Variants in PTPRO observed in about 807,000 individuals in gnomAD.
PTPRO encodes protein tyrosine phosphatase receptor type O.
PTPRO carries 62 observed loss-of-function variants against 145.2 expected under a neutral mutation model. That is an observed-to-expected ratio of 0.43 (90% CI 0.35 to 0.53). The LOEUF (loss-of-function observed/expected upper bound fraction) is 0.53, where lower values mean the gene tolerates loss of function less well. Ranked by LOEUF, PTPRO falls within the 20% of genes least tolerant of loss-of-function variation. PTPRO has a pLI of 0.01. For missense variants in PTPRO, 1,345 were observed against 1,482.7 expected (o/e 0.91, Z 1.53); for synonymous variants, 565 against 514.7 (o/e 1.10, Z -1.32).
chr12:15,354,626 T>C (rs1316885109), intron 1 of PTPRO, among the ~76,000 whole-genome samples: 1 of 152,214 alleles, frequency 6.6e-6, no homozygotes, highest in Non-Finnish European at 1.5e-5. Flanking sequence ...ATTTGACTGC[T>C]TGTTTTTCTT....
At chr12:15,570,583 G>A (rs1417783736) in intron 19 of PTPRO, among the ~76,000 whole-genome samples, 2 of 152,090 alleles carry the variant, frequency 1.3e-5, no homozygotes, top group African/African-American at 4.8e-5. Flanking sequence ...CTTATCCATT[G>A]TATCCAGGTG....
At chr12:15,587,115 A>C in intron 24 of PTPRO, 64 bp downstream of exon 24, 6 of 1,558,232 alleles carry the variant, frequency 3.9e-6, no homozygotes, top group Non-Finnish European at 5.3e-6. Flanking sequence ...GGAACAGCTC[A>C]CCATTCCATA....
chr12:15,473,976 C>T (rs1941599477), intron 1 of PTPRO, among the ~76,000 whole-genome samples: 1 of 152,036 alleles, frequency 6.6e-6, no homozygotes, highest in African/African-American at 2.4e-5. Context: ...TGGACTTCCC[C>T]TAGTTCTCAC....
intron 25 of PTPRO, among the ~76,000 whole-genome samples, chr12:15,589,872 T>G (rs898513141): frequency 1.3e-5 from 2 of 152,218 alleles, no homozygotes; most frequent in African/African-American, 4.8e-5. Flanking sequence ...TCAGAGTCAA[T>G]TGCAGATAAC....
chr12:15,404,219 TTGGTTGTTTGGTACATAAAATAAA>T (rs1296166767), intron 1 of PTPRO, among the ~76,000 whole-genome samples: 2 of 150,530 alleles, frequency 1.3e-5, no homozygotes, highest in African/African-American at 4.9e-5. Flanking sequence ...AAAAGAGTGT[TTGGTTGTTTGGTACATAAAATAAA>T]TAGTATTTGA....
chr12:15,488,342 A>G (rs1177703570), intron 2 of PTPRO, among the ~76,000 whole-genome samples: 1 of 152,286 alleles, frequency 6.6e-6, no homozygotes, highest in Admixed American at 6.5e-5. Context: ...TAGTGCACAA[A>G]TATTTCTGTG....
chr12:15,546,865 C>T (rs915904801), intron 13 of PTPRO, among the ~76,000 whole-genome samples, 157 bp downstream of exon 13: 1 of 152,170 alleles, frequency 6.6e-6, no homozygotes, highest in African/African-American at 2.4e-5. Context: ...CAGGCTTAGA[C>T]CAAGCCCAAA....
chr12:15,516,107 C>T (rs1942577889), intron 8 of PTPRO, among the ~76,000 whole-genome samples: 1 of 150,078 alleles, frequency 6.7e-6, no homozygotes, highest in East Asian at 2.0e-4. Flanking sequence ...TCTCCTGCCT[C>T]AGCCTCCTGA....
chr12:15,481,788 A>C (rs1302914563), intron 1 of PTPRO, among the ~76,000 whole-genome samples: 2 of 152,238 alleles, frequency 1.3e-5, no homozygotes, highest in African/African-American at 4.8e-5. Context: ...ATAAAATAAC[A>C]AGAAAAAGTC....
chr12:15,398,480 C>G (rs1939403664), intron 1 of PTPRO, among the ~76,000 whole-genome samples: 2 of 148,504 alleles, frequency 1.3e-5, no homozygotes, highest in African/African-American at 4.9e-5. Flanking sequence ...TATACTTTTT[C>G]CAAAAAAAAA....
At chr12:15,523,947 C>T (rs890420834) in intron 10 of PTPRO, among the ~76,000 whole-genome samples, 2 of 151,826 alleles carry the variant, frequency 1.3e-5, no homozygotes, top group Non-Finnish European at 2.9e-5. Context: ...ACAGGGTGTG[C>T]CACCATGCCC....
At chr12:15,457,282 C>T (rs1941201882) in intron 1 of PTPRO, among the ~76,000 whole-genome samples, 1 of 152,240 alleles carries the variant, frequency 6.6e-6, no homozygotes, top group African/African-American at 2.4e-5. Context: ...CCCCAGCTCA[C>T]AGACAGCCTA....
chr12:15,516,838 AT>A lies in PTPRO; in HGVS notation c.1664del (p.Leu555Ter). On this transcript the variant is annotated frameshift_variant, in exon 9 of 27. Transcript: ENST00000281171. LOFTEE classifies it high-confidence loss of function. Reference protein sequence around the residue: ...TAVVLSWTRPYLGVFRKYVVE... With the variant: ...TAVVLSWTRPXLGVFRKYVVE... ...GTGGTTCTGAGCTGGACCAGACCTT[AT>A]TTAGGCGTGTTCAGAAAATACGTGG... The A allele has an allele frequency of 6.2e-7, 1 of 1,612,248 alleles. No individual in the cohort carries two copies. Among genetic ancestry groups the A allele is most frequent in the Non-Finnish European group, 8.5e-7 (1 of 1,178,300 alleles).
chr12:15,454,688 A>G (rs1298302232), intron 1 of PTPRO, among the ~76,000 whole-genome samples: 2 of 152,138 alleles, frequency 1.3e-5, no homozygotes, highest in East Asian at 3.9e-4. Context: ...TCTCCTATAC[A>G]TTCTTCTAGG....
chr12:15,466,165 A>G (rs1468291574), intron 1 of PTPRO, among the ~76,000 whole-genome samples: 1 of 152,194 alleles, frequency 6.6e-6, no homozygotes. Flanking sequence ...ATTACTCTAC[A>G]TAATCCTGTT....
In PTPRO at chr12:15,526,145, A is replaced by T; in HGVS notation, c.2047A>T (p.Thr683Ser). The change falls in exon 12 of 27, where the codon ACA becomes TCA. Residue 683 changes from threonine (T) to serine (S), a missense_variant. Physicochemically the swap from Thr to Ser is moderately conservative, Grantham distance 58 (BLOSUM62 1). Transcript: ENST00000281171. ...EGKKKIKKSV[T>S]RNVMTAILSL... Reference sequence around the variant, plus strand: ...CTTGATTTTGATGATCTTGCAGGTAACACGCAATGTCATGACTGCAATTCT... The same window carrying T: ...CTTGATTTTGATGATCTTGCAGGTATCACGCAATGTCATGACTGCAATTCT... 6.2e-7 allele frequency: 1 copy of T among 1,614,022 alleles called. No individual in the cohort carries two copies. The highest frequency in any genetic ancestry group is 8.5e-7 in the Non-Finnish European group (1 of 1,179,914).
At chr12:15,515,250 T>G (rs1942552188) in intron 7 of PTPRO, among the ~76,000 whole-genome samples, 1 of 152,168 alleles carries the variant, frequency 6.6e-6, no homozygotes, top group Non-Finnish European at 1.5e-5. Context: ...TAGTTATAAT[T>G]GACACTGATG....
intron 1 of PTPRO, among the ~76,000 whole-genome samples, chr12:15,453,824 T>C (rs1941107637): frequency 6.6e-6 from 1 of 152,208 alleles, no homozygotes; most frequent in Non-Finnish European, 1.5e-5. Flanking sequence ...AGGGGAATCA[T>C]GCAATATTTG....
rs951324585 is a variant in PTPRO, at chr12:15,515,608, A to G, written c.1575A>G (p.Thr525=). The G allele has an allele frequency of 5.0e-6, 8 of 1,614,008 alleles. No individual in the cohort carries two copies. Among genetic ancestry groups the G allele is most frequent in the African/African-American group, 1.3e-5 (1 of 75,008 alleles). The part of the protein sequence containing the change: ...PLIGPPSDPV[T]FAIVPTGIKD... ...TTGGACCACCTTCAGATCCTGTGAC[A>G]TTTGCTATTGGTAAGTTGCTAGCCA... The change falls in exon 8 of 27, where the codon ACA becomes ACG. Residue 525 remains threonine (T), a synonymous_variant. Transcript: ENST00000281171.
Sources: gnomAD v4.1 joint callset for allele counts (sites outside exome capture counted in the v4.1 genomes callset) on GRCh38, gnomAD v4.1.1 for gene constraint, MANE v1.5 for transcripts, NCBI Gene and HGNC (gene_info 2026-07-23, HGNC 2026-07-21) for gene names.